SCN3A: variants seen among roughly 807,000 people sequenced by gnomAD.
The protein encoded by SCN3A is sodium channel protein type 3 subunit alpha.
A neutral mutation model predicts 187.6 loss-of-function variants in SCN3A; 60 were observed. The ratio of observed to expected loss-of-function variants is 0.32; its 90% confidence interval spans 0.26 to 0.40. SCN3A has a LOEUF of 0.40. SCN3A is among the 10% of genes least tolerant of loss of function. The pLI is 1.00. For missense variants in SCN3A, 1,601 were observed against 2,428.2 expected (o/e 0.66, Z 7.16); for synonymous variants, 788 against 829.2 (o/e 0.95, Z 0.85).
rs1289540721 is a variant in SCN3A, at chr2:165,092,836, C to G, written c.4537-312G>C. 1.7e-5 allele frequency: 5 copies of G among 297,230 alleles called. No homozygotes were observed. Among genetic ancestry groups the G allele is most frequent in the East Asian group, 8.1e-5 (1 of 12,340 alleles). The allele number at this position is 297,230 out of a possible 1,614,324, so 18.4% of individuals were successfully genotyped here. On this transcript the variant is annotated intron_variant, in intron 26 of 27. Transcript: ENST00000283254. The surrounding 1 kb of genome is among the most constrained non-coding windows in gnomAD (Gnocchi z 4.2). ...CTTTAGGAGGCTGAGACTGGAGGCT[C>G]TCTTGAGGCCAAGAGTTCCAGACCA...
chr2:165,150,951 T>A (rs1688652869), intron 11 of SCN3A, among the ~76,000 whole-genome samples: 1 of 152,192 alleles, frequency 6.6e-6, no homozygotes, highest in African/African-American at 2.4e-5. Context: ...ATATTATAAA[T>A]GTGTTTTATT....
chr2:165,105,971 T>C (rs1475257022), intron 21 of SCN3A, among the ~76,000 whole-genome samples: 1 of 152,238 alleles, frequency 6.6e-6, no homozygotes, highest in Non-Finnish European at 1.5e-5. Flanking sequence ...TTATGGTTTA[T>C]TTATTGGTCT....
intron 5 of SCN3A, among the ~76,000 whole-genome samples, chr2:165,165,234 T>C (rs12467746): frequency 0.23 from 34,185 of 151,632 alleles, 5,046 homozygotes; most frequent in East Asian, 0.52. Flanking sequence ...CTGCCCTCCT[T>C]CCTCCCACCC....
chr2:165,115,509 G>T lies in SCN3A; in HGVS notation c.3460C>A (p.Gln1154Lys), dbSNP rs1433523136. ...VDVVLPREGE[Q>K]AETEPEEDLK... Reference sequence around the variant, plus strand: ...TCTTCTTCGGGTTCAGTTTCAGCTTGTTCACCTTCTCGGGGTAGAACAACA... The same window carrying T: ...TCTTCTTCGGGTTCAGTTTCAGCTTTTTCACCTTCTCGGGGTAGAACAACA... The change falls in exon 19 of 28, where the codon CAA (glutamine) becomes AAA (lysine). Residue 1154 changes from glutamine (Q) to lysine (K), a missense_variant. Coordinates refer to ENST00000283254, the MANE Select transcript of SCN3A (RefSeq NM_006922.4). 5 of 1,613,708 alleles carry T rather than the reference G, an allele frequency of 3.1e-6. No homozygotes were observed. The highest frequency in any genetic ancestry group is 4.2e-6 in the Non-Finnish European group (5 of 1,179,878).
Position 165,129,953 on chromosome 2 carries a change from A to G in SCN3A, c.2909T>C (p.Ile970Thr), listed in dbSNP as rs1442327695. The G allele has an allele frequency of 6.2e-7, 1 of 1,614,128 alleles. No homozygotes were observed. The highest frequency in any genetic ancestry group is 8.5e-7 in the Non-Finnish European group (1 of 1,179,976). The change falls in exon 17 of 28, where the codon ATT becomes ACT. Residue 970 changes from isoleucine (I) to threonine (T), a missense_variant. This residue lies in a region of SCN3A where 91 missense variants were observed against 207.0 expected (regional missense o/e 0.44). Transcript: ENST00000283254. ...CLIVFMLVMV[I>T]GNLVVLNLFL... Reference sequence around the variant, plus strand: ...CTACATACATACCACAAGGTTTCCAATGACCATGACCAACATGAAAACAAT... The same window carrying G: ...CTACATACATACCACAAGGTTTCCAGTGACCATGACCAACATGAAAACAAT...
At chr2:165,117,284 T>C (rs1686418518) in intron 18 of SCN3A, among the ~76,000 whole-genome samples, 2 of 152,270 alleles carry the variant, frequency 1.3e-5, no homozygotes, top group East Asian at 1.9e-4. Flanking sequence ...AGGTTAGTTA[T>C]AGAAAGTTTC....
intron 11 of SCN3A, 48 bp from the exon 12 acceptor site, chr2:165,147,077 A>G (rs1688398474): frequency 2.5e-6 from 4 of 1,607,116 alleles, no homozygotes; most frequent in Non-Finnish European, 3.4e-6. Flanking sequence ...GAGCTTTGAA[A>G]ACAGTTGAGT....
At chr2:165,106,386 T>C (rs936450169) in intron 21 of SCN3A, among the ~76,000 whole-genome samples, 1 of 152,248 alleles carries the variant, frequency 6.6e-6, no homozygotes, top group Non-Finnish European at 1.5e-5. Flanking sequence ...AGATGCATCA[T>C]CTTCAAGCAC....
At chr2:165,191,578 G>C (rs980768001) in intron 1 of SCN3A, among the ~76,000 whole-genome samples, 63 of 152,068 alleles carry the variant, frequency 4.1e-4, no homozygotes, top group African/African-American at 1.5e-3. Flanking sequence ...CTTCCTCTAG[G>C]AAGCTGAATG....
At chr2:165,172,122 C>T (rs1433586599) in intron 3 of SCN3A, among the ~76,000 whole-genome samples, 1 of 152,066 alleles carries the variant, frequency 6.6e-6, no homozygotes, top group Non-Finnish European at 1.5e-5. Context: ...GTTCATTGCT[C>T]TTTTGTATTT....
chr2:165,153,420 G>T (rs909627793), intron 11 of SCN3A, among the ~76,000 whole-genome samples: 1 of 151,992 alleles, frequency 6.6e-6, no homozygotes, highest in African/African-American at 2.4e-5. Context: ...AAACAAAAAA[G>T]CTAAGAAATA....
rs1156905735 is a variant in SCN3A at position 165,130,095 on chromosome 2, G to A, written c.2767C>T (p.Arg923Trp). 3.7e-6 allele frequency: 6 copies of A among 1,614,140 alleles called. No individual in the cohort carries two copies. The highest frequency in any genetic ancestry group is 4.2e-6 in the Non-Finnish European group (5 of 1,180,018). The change falls in exon 17 of 28, where the codon CGG becomes TGG. Residue 923 changes from arginine to tryptophan, a missense_variant. Around this residue, in one of 11 missense-constraint regions of SCN3A, gnomAD observed 91 missense variants for 207.0 expected, o/e 0.44. Transcript: ENST00000283254. ...CKINDDCTLPRWHMNDFFHSF... is the reference protein window; with the variant it reads ...CKINDDCTLPWWHMNDFFHSF... ...TGGAAGAAGTCGTTCATGTGCCACC[G>A]TGGGAGCGTACAGTCATCATTGATC...
chr2:165,185,475 C>A (rs892231256), intron 2 of SCN3A, among the ~76,000 whole-genome samples: 3 of 152,298 alleles, frequency 2.0e-5, no homozygotes, highest in Admixed American at 2.0e-4. Context: ...AGAAAGAGAA[C>A]AAAGAGAAGA....
chr2:165,150,969 A>T (rs1346390057), intron 11 of SCN3A, among the ~76,000 whole-genome samples: 4 of 152,108 alleles, frequency 2.6e-5, no homozygotes, highest in Non-Finnish European at 5.9e-5. Context: ...ATTTATGGTG[A>T]CATAGAATAA....
chr2:165,137,411 A>AT (rs956772899), intron 15 of SCN3A, among the ~76,000 whole-genome samples: 14 of 151,906 alleles, frequency 9.2e-5, no homozygotes, highest in Admixed American at 5.9e-4. Context: ...TTTAGCAACT[A>AT]TTTTTTTTCT....
At position 165,170,548 on chromosome 2, in the gene SCN3A, T is replaced by A; in HGVS notation, c.265A>T (p.Thr89Ser). Residue 89 changes from threonine to serine, a missense_variant and splice_region_variant, in exon 4 of 28, where the codon ACT (threonine) becomes TCT (serine). Coordinates refer to ENST00000283254, the MANE Select transcript of SCN3A (RefSeq NM_006922.4). ...DLDPYYINKK[T>S]FIVMNKGKAI... ...TTTCCTTTATTCATTACTATAAAAGTCTGAAAAAGAAAATACGAGTAAAAT... is the reference window on the plus strand; with the variant it reads ...TTTCCTTTATTCATTACTATAAAAGACTGAAAAAGAAAATACGAGTAAAAT... The A allele has an allele frequency of 6.4e-7, 1 of 1,562,282 alleles. No individual in the cohort carries two copies. The highest frequency in any genetic ancestry group is 8.8e-7 in the Non-Finnish European group (1 of 1,133,848).
chr2:165,153,203 A>C (rs4667478), intron 11 of SCN3A, among the ~76,000 whole-genome samples: 110,976 of 151,912 alleles, frequency 0.73, 40,666 homozygotes, highest in East Asian at 0.84. Flanking sequence ...TGGAGAATGA[A>C]TATTTTGTTT....
rs1559176395 is a variant in SCN3A at position 165,092,494 on chromosome 2, C to T, written c.4567G>A (p.Val1523Ile). The change falls in exon 27 of 28, where the codon GTA (valine) becomes ATA (isoleucine). Residue 1523 changes from valine (V) to isoleucine (I), a missense_variant. Coordinates refer to ENST00000283254, the MANE Select transcript of SCN3A (RefSeq NM_006922.4). This position sits in a 1 kb window ranked among gnomAD's most constrained non-coding sequence, Gnocchi z 4.2. The part of the protein sequence containing the change: ...NKFQGMVFDF[V>I]TRQVFDISIM... ...CTGATATCAAAGACTTGTCTGGTTA[C>T]AAAATCAAAGACCATTCCTTGGAAT... 1 of 1,613,476 alleles carries T rather than the reference C, an allele frequency of 6.2e-7. No homozygotes were observed.
At chr2:165,126,410 C>CTTCCTTT (rs1686988702) in intron 18 of SCN3A, among the ~76,000 whole-genome samples, 1 of 151,158 alleles carries the variant, frequency 6.6e-6, no homozygotes, top group African/African-American at 2.4e-5. Context: ...TCCCTCCTTC[C>CTTCCTTT]CTTTCTTCTT....
Sources: allele counts gnomAD v4.1 joint callset (sites outside exome capture counted in the v4.1 genomes callset), GRCh38; gene constraint gnomAD v4.1.1; regional missense constraint gnomAD v4.1.1; non-coding constraint Gnocchi (gnomAD v3.1); transcripts MANE v1.5; gene names NCBI Gene and HGNC (gene_info 2026-07-23, HGNC 2026-07-21).